The following TSNARE1 variants were observed in gnomAD, a reference collection of about 807,000 sequenced individuals.
The protein encoded by TSNARE1 is t-SNARE domain containing 1.
In TSNARE1, 49 loss-of-function variants were observed where a neutral mutation model predicts 62.0. The ratio of observed to expected loss-of-function variants is 0.79; its 90% CI spans 0.63 to 1.00. The LOEUF is 1.00. Ranked by LOEUF, TSNARE1 falls within the 50% of genes least tolerant of loss-of-function variation. The pLI is 0.00. For synonymous variants in TSNARE1, 328 were observed against 294.4 expected (o/e 1.11, Z -1.17); for missense variants, 755 against 700.1 (o/e 1.08, Z -0.88).
Position 142,314,394 on chromosome 8 carries a change from C to A in TSNARE1, c.1121G>T (p.Gly374Val). 1 of 1,613,804 alleles carries A rather than the reference C, an allele frequency of 6.2e-7. No individual in the cohort carries two copies. The highest frequency in any genetic ancestry group is 8.5e-7 in the Non-Finnish European group (1 of 1,179,858). Residue 374 changes from glycine (G) to valine (V), a missense_variant, in exon 9 of 14, where the codon GGC (glycine) becomes GTC (valine). Gly to Val is a moderately radical substitution (Grantham distance 109). Transcript: ENST00000524325. The part of the protein sequence containing the change: ...SRALLPMAQR[G>V]SKQSPQAPFA... ...GTACTCGGCACCCACCTGTTTACTG[C>A]CCCTCTGCGCCATGGGAAGCAGCGC...
intron 1 of TSNARE1, among the ~76,000 whole-genome samples, chr8:142,357,035 C>T (rs1021078444): frequency 5.9e-5 from 9 of 151,906 alleles, no homozygotes; most frequent in Non-Finnish European, 1.2e-4. Context: ...GCAGGCAGAG[C>T]GGGGGCCTCC....
chr8:142,223,271 TTCAG>T lies in TSNARE1; in HGVS notation c.*11+6198_*11+6201del, dbSNP rs200146568. On this transcript the variant is annotated intron_variant, in intron 13 of 13. Coordinates refer to ENST00000524325, the MANE Select transcript of TSNARE1 (RefSeq NM_145003.5). ...ACTCACTCATTCACTCACTCACTCA[TTCAG>T]TCACTCACTCATACTCACTCAACCA... 1.6e-4 allele frequency among the ~76,000 whole-genome samples: 9 copies of T among 56,580 alleles called. No homozygotes were observed. The East Asian group carries it at 3.3e-3, about 21-fold the overall frequency. The allele number at this position is 56,580 out of a possible 152,430, so 37.1% of individuals were successfully genotyped here. A position where few individuals can be genotyped will look rare whatever the true frequency, so the allele number is the denominator to read the frequency against.
chr8:142,235,144 C>T (rs943230032), intron 12 of TSNARE1, among the ~76,000 whole-genome samples: 8 of 152,108 alleles, frequency 5.3e-5, no homozygotes, highest in African/African-American at 1.9e-4. Flanking sequence ...CTGCACTGAG[C>T]GCCCTGGGTG....
At chr8:142,270,560 T>C (rs1319225693) in intron 12 of TSNARE1, 3 of 984,966 alleles carry the variant, frequency 3.0e-6, no homozygotes, top group Non-Finnish European at 3.6e-6. Context: ...TGGGATGTGG[T>C]TCCCCTGGGC....
At chr8:142,387,791 C>A (rs554514930) in intron 1 of TSNARE1, among the ~76,000 whole-genome samples, 1 of 152,040 alleles carries the variant, frequency 6.6e-6, no homozygotes, top group Admixed American at 6.5e-5. Context: ...AAAAAAGCAC[C>A]AGGTCCCAAC....
At chr8:142,222,860 CCACTCACTCATT>C (rs1816468565) in intron 13 of TSNARE1, among the ~76,000 whole-genome samples, 1 of 131,626 alleles carries the variant, frequency 7.6e-6, no homozygotes, top group South Asian at 2.7e-4. Flanking sequence ...ACTCACTCAT[CCACTCACTCATT>C]CACTTACTCA....
At chr8:142,249,184 G>A (rs912822048) in intron 12 of TSNARE1, among the ~76,000 whole-genome samples, 1 of 152,264 alleles carries the variant, frequency 6.6e-6, no homozygotes, top group Non-Finnish European at 1.5e-5. Context: ...CATGAGGAAG[G>A]GGCTGAAGAC....
intron 10 of TSNARE1, chr8:142,300,201 A>G (rs941470120): frequency 3.8e-5 from 12 of 318,148 alleles, no homozygotes; most frequent in Non-Finnish European, 5.8e-5. Flanking sequence ...GGTGACTGAG[A>G]GGCTACCCCA....
chr8:142,357,890 G>C (rs987083572), intron 1 of TSNARE1, among the ~76,000 whole-genome samples: 2 of 152,250 alleles, frequency 1.3e-5, no homozygotes, highest in African/African-American at 4.8e-5. Context: ...CAGAGGCCAC[G>C]AAAGCCACGG....
At chr8:142,327,365 G>A (rs1011862229) in intron 6 of TSNARE1, among the ~76,000 whole-genome samples, 2 of 151,920 alleles carry the variant, frequency 1.3e-5, no homozygotes, top group Non-Finnish European at 2.9e-5. Flanking sequence ...AGTGGGAGAG[G>A]GGCACAGCTC....
chr8:142,255,455 TCAC>T (rs1818390508), intron 12 of TSNARE1, among the ~76,000 whole-genome samples: 2 of 41,114 alleles, frequency 4.9e-5, no homozygotes, highest in East Asian at 8.7e-4. Flanking sequence ...ACCACCACCA[TCAC>T]CATCACCATC....
chr8:142,279,036 C>T (rs1820963513), intron 11 of TSNARE1, among the ~76,000 whole-genome samples: 1 of 152,248 alleles, frequency 6.6e-6, no homozygotes, highest in African/African-American at 2.4e-5. Context: ...GCTGGCTGGC[C>T]TTGCCTTCTC....
intron 12 of TSNARE1, chr8:142,272,806 T>C: frequency 1.0e-6 from 1 of 974,184 alleles, no homozygotes; most frequent in Non-Finnish European, 1.2e-6. Context: ...TGACACACCG[T>C]GGGGAGGGCC....
At chr8:142,332,587 C>T (rs1000016913) in intron 4 of TSNARE1, among the ~76,000 whole-genome samples, 1 of 152,152 alleles carries the variant, frequency 6.6e-6, no homozygotes, top group African/African-American at 2.4e-5. Context: ...TAAAAATCTA[C>T]AGAACACTAT....
chr8:142,252,510 G>A (rs905675831), intron 12 of TSNARE1, among the ~76,000 whole-genome samples: 10 of 152,244 alleles, frequency 6.6e-5, no homozygotes, highest in East Asian at 1.9e-4. Context: ...GCAGCCGCCT[G>A]TGCCCAGCGC....
intron 10 of TSNARE1, among the ~76,000 whole-genome samples, chr8:142,299,740 G>GCA (rs749242265): frequency 6.6e-6 from 1 of 151,930 alleles, no homozygotes; most frequent in East Asian, 1.9e-4. Context: ...GCACACACGT[G>GCA]CACACACACA....
intron 6 of TSNARE1, among the ~76,000 whole-genome samples, chr8:142,325,659 G>C (rs531816562): frequency 6.6e-6 from 1 of 152,108 alleles, no homozygotes; most frequent in African/African-American, 2.4e-5. Flanking sequence ...AAGTTAGCAG[G>C]AGAGAAGGTG....
chr8:142,281,828 T>C (rs957602912), intron 11 of TSNARE1, among the ~76,000 whole-genome samples: 1 of 139,980 alleles, frequency 7.1e-6, no homozygotes, highest in Non-Finnish European at 1.5e-5. Flanking sequence ...TTGCCCCAGG[T>C]GAGGTTTCCT....
At chr8:142,371,585 C>G (rs558366170) in intron 1 of TSNARE1, among the ~76,000 whole-genome samples, 1 of 152,302 alleles carries the variant, frequency 6.6e-6, no homozygotes, top group East Asian at 1.9e-4. Flanking sequence ...ACCAGGATCA[C>G]AGTCACCCTT....
Sources: allele counts gnomAD v4.1 joint callset (sites outside exome capture counted in the v4.1 genomes callset), GRCh38; gene constraint gnomAD v4.1.1; transcripts MANE v1.5; gene names NCBI Gene and HGNC (gene_info 2026-07-23, HGNC 2026-07-21).